COMMD7: variants seen among roughly 807,000 people sequenced by gnomAD.
COMMD7 encodes COMM domain-containing protein 7.
Under a neutral mutation model 34.8 loss-of-function variants are expected in COMMD7, and 28 were observed. That is an observed-to-expected ratio of 0.80 (90% CI 0.60 to 1.10). The LOEUF (loss-of-function observed/expected upper bound fraction) is 1.10, where lower values mean the gene tolerates loss of function less well. COMMD7 is among the 50% of genes least tolerant of loss of function. The pLI is 0.00. For missense variants in COMMD7, 211 were observed against 241.6 expected, an observed-to-expected ratio of 0.87 and a Z score of 0.84; for synonymous variants, 80 against 86.4, an observed-to-expected ratio of 0.93 and a Z score of 0.41.
Position 32,727,989 on chromosome 20 carries a change from T to C in COMMD7, c.145A>G (p.Arg49Gly). 3 of 1,614,098 alleles carry C rather than the reference T, an allele frequency of 1.9e-6. No homozygotes were observed. Among genetic ancestry groups the C allele is most frequent in the Non-Finnish European group, 2.5e-6 (3 of 1,179,974 alleles). ...AATTCAGAGAGCTGAGCCAGAAATC[T>C]TTCCACCTGCAGAGAGAGAACAGTG... ...HFLTEPKEVE[R>G]FLAQLSEFAT... The change falls in exon 3 of 9, where the codon AGA becomes GGA. Residue 49 changes from arginine to glycine, a missense_variant. By Grantham distance (125) the Arg-to-Gly change is moderately radical. Coordinates refer to ENST00000278980, the MANE Select transcript of COMMD7 (RefSeq NM_053041.3).
intron 1 of COMMD7, among the ~76,000 whole-genome samples, chr20:32,737,552 G>A (rs1262640238): frequency 6.6e-6 from 1 of 152,010 alleles, no homozygotes; most frequent in African/African-American, 2.4e-5. Context: ...GTCAACTCTG[G>A]GTGTAATGGC....
Position 32,726,640 on chromosome 20 carries a change from T to C in COMMD7, c.241+1253A>G, listed in dbSNP as rs191733530. On this transcript the variant is annotated intron_variant, in intron 3 of 8. Coordinates refer to ENST00000278980, the MANE Select transcript of COMMD7 (RefSeq NM_053041.3). ...ATCACTTGAACCCAGGAAGTGGAGGTTGCGGTGAGCCAAGACCACGCCATT... is the reference window on the plus strand; with the variant it reads ...ATCACTTGAACCCAGGAAGTGGAGGCTGCGGTGAGCCAAGACCACGCCATT... Among the ~76,000 whole-genome samples the C allele has an allele frequency of 3.1e-3, 463 of 151,796 alleles. 2 individuals are homozygous for C. Among genetic ancestry groups the C allele is most frequent in the African/African-American group, 0.011 (451 of 41,364 alleles).
intron 3 of COMMD7, among the ~76,000 whole-genome samples, chr20:32,721,938 G>A (rs1985185618): frequency 6.6e-6 from 1 of 150,932 alleles, no homozygotes; most frequent in Admixed American, 6.6e-5. Flanking sequence ...GCATGCATCT[G>A]TAGTCCCAGC....
chr20:32,723,344 CG>C (rs1350467489), intron 3 of COMMD7, among the ~76,000 whole-genome samples: 113 of 41,054 alleles, frequency 2.8e-3, no homozygotes, highest in Middle Eastern at 0.02. Context: ...CTGTGTTGGC[CG>C]GGCCGGTCTC....
chr20:32,722,720 G>GAA (rs72491024), intron 3 of COMMD7, among the ~76,000 whole-genome samples: 2 of 113,178 alleles, frequency 1.8e-5, no homozygotes, highest in African/African-American at 3.2e-5. Context: ...TGAGACTCAG[G>GAA]AAAAAAAAAA....
At chr20:32,721,166 G>A (rs1985131265) in intron 3 of COMMD7, among the ~76,000 whole-genome samples, 2 of 152,108 alleles carry the variant, frequency 1.3e-5, no homozygotes, top group African/African-American at 4.8e-5. Context: ...AAGGCTGAAG[G>A]CAATCTAACA....
At chr20:32,727,562 T>C (rs1985587679) in intron 3 of COMMD7, among the ~76,000 whole-genome samples, 1 of 149,938 alleles carries the variant, frequency 6.7e-6, no homozygotes, top group Non-Finnish European at 1.5e-5. Context: ...AAGTATTAGA[T>C]TCAAGGGACA....
chr20:32,709,101 T>C (rs982935241), intron 3 of COMMD7, among the ~76,000 whole-genome samples: 1 of 152,094 alleles, frequency 6.6e-6, no homozygotes, highest in Non-Finnish European at 1.5e-5. Flanking sequence ...CGCTGAGATA[T>C]ACAGGGGAAG....
chr20:32,705,999 G>C (rs1308478538), intron 5 of COMMD7, among the ~76,000 whole-genome samples: 1 of 151,854 alleles, frequency 6.6e-6, no homozygotes, highest in East Asian at 1.9e-4. Flanking sequence ...GGGAGTTCAA[G>C]ACCAGCCTGA....
chr20:32,704,596 G>T, intron 6 of COMMD7, 107 bp from the exon 7 acceptor site: 1 of 1,202,528 alleles, frequency 8.3e-7, no homozygotes, highest in Non-Finnish European at 1.2e-6. Context: ...CAGAAGCCAT[G>T]TGGGGGCAAG....
At chr20:32,706,905 G>C (rs1984117208) in intron 3 of COMMD7, 145 bp from the exon 4 acceptor site, 2 of 628,262 alleles carry the variant, frequency 3.2e-6, no homozygotes, top group Non-Finnish European at 5.8e-6. Flanking sequence ...TCCAGCCATG[G>C]GGAAATAGCA....
At chr20:32,734,580 G>A (rs1986036667) in intron 1 of COMMD7, among the ~76,000 whole-genome samples, 1 of 151,930 alleles carries the variant, frequency 6.6e-6, no homozygotes, top group South Asian at 2.1e-4. Flanking sequence ...AGGATCACTT[G>A]AGCCTAGATG....
In COMMD7 at chr20:32,706,743, G is replaced by T. The variant is rs779965806; in HGVS notation, c.259C>A (p.Leu87Ile). Residue 87 changes from leucine to isoleucine, a missense_variant, in exon 4 of 9, where the codon CTC (leucine) becomes ATC (isoleucine). Leu to Ile is a conservative substitution (Grantham distance 5). Transcript: ENST00000278980. ...TCCGCCTGGACCTGCTTGGCTGTGAGACTCTTCTTCAAAGCACCTGGGAGG... is the reference window on the plus strand; with the variant it reads ...TCCGCCTGGACCTGCTTGGCTGTGATACTCTTCTTCAAAGCACCTGGGAGG... ...LVPNGALKKSLTAKQVQADFI... is the reference protein window; with the variant it reads ...LVPNGALKKSITAKQVQADFI... 6.2e-7 allele frequency: 1 copy of T among 1,613,760 alleles called. No individual in the cohort carries two copies. The highest frequency in any genetic ancestry group is 1.3e-5 in the African/African-American group (1 of 74,836).
At chr20:32,712,902 C>T (rs926637045) in intron 3 of COMMD7, among the ~76,000 whole-genome samples, 2 of 151,804 alleles carry the variant, frequency 1.3e-5, no homozygotes, top group Non-Finnish European at 2.9e-5. Flanking sequence ...TAGGCACGCA[C>T]CACCATGCCC....
intron 1 of COMMD7, among the ~76,000 whole-genome samples, chr20:32,733,881 C>CAA (rs1019919449): frequency 1.6e-5 from 2 of 125,472 alleles, no homozygotes; most frequent in East Asian, 2.4e-4. Flanking sequence ...AACTCCTTCT[C>CAA]AAAAAAAAAA....
chr20:32,742,573 G>A (rs1330223121), intron 1 of COMMD7: 1 of 152,156 alleles, frequency 6.6e-6, no homozygotes, highest in Non-Finnish European at 1.5e-5. Flanking sequence ...AGCCTGAAGG[G>A]GGAGAAAAAG....
At chr20:32,716,508 G>A (rs931775915) in intron 3 of COMMD7, among the ~76,000 whole-genome samples, 4 of 152,136 alleles carry the variant, frequency 2.6e-5, no homozygotes, top group Non-Finnish European at 5.9e-5. Context: ...CCAGCTACTT[G>A]GGAGGCTGAG....
intron 3 of COMMD7, among the ~76,000 whole-genome samples, chr20:32,718,835 T>A (rs902950434): frequency 2.0e-5 from 3 of 151,512 alleles, no homozygotes; most frequent in African/African-American, 7.3e-5. Context: ...TCACAGATAC[T>A]GGTTAAGCAA....
At chr20:32,726,136 A>G (rs1345141783) in intron 3 of COMMD7, among the ~76,000 whole-genome samples, 1 of 151,832 alleles carries the variant, frequency 6.6e-6, no homozygotes, top group African/African-American at 2.4e-5. Context: ...CATGTCTGTA[A>G]TCCAGCACTT....
Sources: allele counts gnomAD v4.1 joint callset (sites outside exome capture counted in the v4.1 genomes callset), GRCh38; gene constraint gnomAD v4.1.1; transcripts MANE v1.5; gene names NCBI Gene and HGNC (gene_info 2026-07-23, HGNC 2026-07-21).